The following ELAPOR2 variants were observed in gnomAD, a reference collection of about 807,000 sequenced individuals.
ELAPOR2 encodes the protein endosome-lysosome associated apoptosis and autophagy regulator family member 2.
A neutral mutation model predicts 120.7 loss-of-function variants in ELAPOR2; 89 were observed. That is an observed-to-expected ratio of 0.74 (90% CI 0.62 to 0.88). ELAPOR2 has a LOEUF of 0.88. Among genes scored for constraint, ELAPOR2 ranks in the 40% least tolerant of loss-of-function variants. The probability of loss-of-function intolerance (pLI) is 0.00; values close to 1 mark genes in which losing one functional copy is unlikely to be tolerated. For missense variants in ELAPOR2, 1,134 were observed against 1,251.6 expected (o/e 0.91, Z 1.42); for synonymous variants, 444 against 444.9 (o/e 1.00, Z 0.03).
In ELAPOR2 at chr7:86,893,031, C is replaced by T; in HGVS notation, c.2755G>A (p.Ala919Thr). Residue 919 changes from alanine to threonine, a missense_variant, in exon 20 of 22, where the codon GCA becomes ACA. Ala to Thr is a moderately conservative substitution (Grantham distance 58). Transcript: ENST00000450689. ...CAAAAGTCAACCGTTTCACAGGTTG[C>T]CAACTTTTTCTCAGGCAAAGAAATT... ...KGISLPEKKLATCETVDFWLK... is the reference protein window; with the variant it reads ...KGISLPEKKLTTCETVDFWLK... The T allele has an allele frequency of 2.5e-6, 4 of 1,586,336 alleles. No homozygotes were observed. Among genetic ancestry groups the T allele is most frequent in the Non-Finnish European group, 3.4e-6 (4 of 1,169,934 alleles).
intron 1 of ELAPOR2, among the ~76,000 whole-genome samples, chr7:87,011,253 AAAAAAAAAAAAAAAAG>A (rs1793652467): frequency 7.5e-6 from 1 of 132,726 alleles, no homozygotes; most frequent in South Asian, 2.2e-4. Context: ...CCATCTCAAA[AAAAAAAAAAAAAAAAG>A]AAAAGAAAAA....
At chr7:86,991,219 G>A (rs566639368) in intron 1 of ELAPOR2, among the ~76,000 whole-genome samples, 15 of 152,334 alleles carry the variant, frequency 9.8e-5, no homozygotes, top group African/African-American at 3.6e-4. Flanking sequence ...GAGCAGCTTT[G>A]TGGGTGACCA....
chr7:86,947,906 A>G lies in ELAPOR2; in HGVS notation c.327T>C (p.Ser109=). 3 of 1,551,716 alleles carry G rather than the reference A, an allele frequency of 1.9e-6. No homozygotes were observed. Among genetic ancestry groups the G allele is most frequent in the Non-Finnish European group, 2.6e-6 (3 of 1,146,662 alleles). The part of the protein sequence containing the change: ...RGKECTFSCA[S]GEYLEMKNQV... The stretch of plus-strand genomic sequence containing the variant: ...GGTTCTTCATTTCTAGATACTCTCC[A>G]GAAGCACAGGAGAAAGCTGGAAGGC... Residue 109 remains serine, a synonymous_variant, in exon 3 of 22, where the codon TCT becomes TCC. Transcript: ENST00000450689.
At chr7:86,919,178 GT>G in intron 11 of ELAPOR2, 41 bp downstream of exon 11, 2 of 1,408,634 alleles carry the variant, frequency 1.4e-6, no homozygotes, top group Non-Finnish European at 2.0e-6. Context: ...GGAAACAGGT[GT>G]AAGGATTCTT....
In ELAPOR2 at chr7:87,044,452, G is replaced by A. The variant is rs1270311234; in HGVS notation, c.189+14873C>T. 9.1e-3 allele frequency among the ~76,000 whole-genome samples: 1,033 copies of A among 112,990 alleles called. 27 individuals are homozygous for A. Among genetic ancestry groups the A allele is most frequent in the African/African-American group, 0.036 (959 of 26,478 alleles). The allele number at this position is 112,990 out of a possible 152,430, so 74.1% of individuals were successfully genotyped here. ...GAACAGAGCCCTCAGAAATAACGCC[G>A]CATATCTACAACTATCTGATCTTTG... On this transcript the variant is annotated intron_variant, in intron 1 of 21. Coordinates refer to ENST00000450689, the MANE Select transcript of ELAPOR2 (RefSeq NM_001142749.3).
At chr7:86,901,983 TGATAA>T (rs1562907623) in intron 18 of ELAPOR2, among the ~76,000 whole-genome samples, 2 of 152,216 alleles carry the variant, frequency 1.3e-5, no homozygotes. Context: ...CAGGCTACTA[TGATAA>T]AACATATTAA....
At chr7:87,042,963 T>G (rs1209461034) in intron 1 of ELAPOR2, among the ~76,000 whole-genome samples, 1 of 152,020 alleles carries the variant, frequency 6.6e-6, no homozygotes, top group African/African-American at 2.4e-5. Flanking sequence ...CAAACTACCA[T>G]CAGTGAATAC....
chr7:86,921,521 C>T (rs1393387116), intron 10 of ELAPOR2, among the ~76,000 whole-genome samples: 1 of 152,040 alleles, frequency 6.6e-6, no homozygotes, highest in Non-Finnish European at 1.5e-5. Flanking sequence ...CTAAAGGCTT[C>T]AGAGAGAACA....
chr7:86,946,188 C>CACACACACAT (rs1400004271), intron 3 of ELAPOR2, among the ~76,000 whole-genome samples: 1 of 151,984 alleles, frequency 6.6e-6, no homozygotes, highest in African/African-American at 2.4e-5. Context: ...CACACACACA[C>CACACACACAT]ACGTGTGCAT....
At chr7:86,918,234 A>T (rs1789654565) in intron 12 of ELAPOR2, among the ~76,000 whole-genome samples, 1 of 151,508 alleles carries the variant, frequency 6.6e-6, no homozygotes, top group African/African-American at 2.4e-5. Flanking sequence ...TCCCATGAGG[A>T]ATAAACACTT....
chr7:87,005,011 G>A (rs1040269664), intron 1 of ELAPOR2, among the ~76,000 whole-genome samples: 1 of 152,056 alleles, frequency 6.6e-6, no homozygotes, highest in African/African-American at 2.4e-5. Flanking sequence ...GTAGGAGAAG[G>A]GTTCCTCTGT....
At chr7:86,931,259 G>C (rs987837478) in intron 8 of ELAPOR2, among the ~76,000 whole-genome samples, 7 of 151,868 alleles carry the variant, frequency 4.6e-5, no homozygotes, top group African/African-American at 1.7e-4. Context: ...ATGCACATAT[G>C]AAGAGAGTAC....
chr7:86,978,121 C>T (rs575806176), intron 1 of ELAPOR2, among the ~76,000 whole-genome samples: 1 of 152,222 alleles, frequency 6.6e-6, no homozygotes, highest in East Asian at 1.9e-4. Flanking sequence ...GCAGTTTCCC[C>T]ATGCTCTTGT....
chr7:87,035,201 GCCC>G (rs1248757740), intron 1 of ELAPOR2, among the ~76,000 whole-genome samples: 1 of 151,956 alleles, frequency 6.6e-6, no homozygotes, highest in Non-Finnish European at 1.5e-5. Flanking sequence ...TCATTGAACT[GCCC>G]CTTAAATCCA....
At chr7:86,986,440 A>AAAAAAAAATG (rs554550596) in intron 1 of ELAPOR2, among the ~76,000 whole-genome samples, 1 of 74,422 alleles carries the variant, frequency 1.3e-5, no homozygotes, top group African/African-American at 7.6e-5. Flanking sequence ...AAAAAAAAAA[A>AAAAAAAAATG]AAAGAAAACC....
chr7:86,887,672 A>G (rs187759745), intron 21 of ELAPOR2, among the ~76,000 whole-genome samples: 3 of 152,214 alleles, frequency 2.0e-5, no homozygotes, highest in East Asian at 3.9e-4. Context: ...TACATTTCCT[A>G]CTGTCCAAAA....
chr7:87,040,203 C>T (rs1340497074), intron 1 of ELAPOR2, among the ~76,000 whole-genome samples: 2 of 152,184 alleles, frequency 1.3e-5, no homozygotes, highest in African/African-American at 4.8e-5. Flanking sequence ...GAGAGGCGCC[C>T]GCCATTGCCC....
At chr7:86,923,188 C>T (rs545818331) in intron 10 of ELAPOR2, among the ~76,000 whole-genome samples, 1 of 151,802 alleles carries the variant, frequency 6.6e-6, no homozygotes, top group African/African-American at 2.4e-5. Context: ...TTAATGGGCG[C>T]AAAAATACAG....
intron 14 of ELAPOR2, among the ~76,000 whole-genome samples, chr7:86,912,504 T>G (rs1047463828): frequency 1.1e-4 from 17 of 152,182 alleles, no homozygotes; most frequent in African/African-American, 4.1e-4. Context: ...TTTTAAGAAA[T>G]AGCCAAAATT....
Sources: allele counts gnomAD v4.1 joint callset (sites outside exome capture counted in the v4.1 genomes callset), GRCh38; gene constraint gnomAD v4.1.1; transcripts MANE v1.5; gene names NCBI Gene and HGNC (gene_info 2026-07-23, HGNC 2026-07-21).